The following TNFAIP2 variants were observed in gnomAD, a reference collection of about 807,000 sequenced individuals.
TNFAIP2 encodes the protein tumor necrosis factor alpha-induced protein 2.
In TNFAIP2, 47 loss-of-function variants were observed where a neutral mutation model predicts 63.5. That is an observed-to-expected ratio of 0.74 (90% CI 0.59 to 0.94). The LOEUF is 0.94. Ranked by LOEUF, TNFAIP2 falls within the 40% of genes least tolerant of loss-of-function variation. TNFAIP2 has a pLI of 0.00. For missense variants in TNFAIP2, 787 were observed against 850.2 expected (o/e 0.93, Z 0.92); for synonymous variants, 405 against 390.2 (o/e 1.04, Z -0.45).
upstream of TNFAIP2, among the ~76,000 whole-genome samples, chr14:103,121,929 G>C (rs948325818): frequency 6.6e-6 from 1 of 152,134 alleles, no homozygotes. Flanking sequence ...GGAGAGGCTT[G>C]TGGGGATTGC....
chr14:103,128,094 G>A (rs530702631), intron 3 of TNFAIP2, among the ~76,000 whole-genome samples: 22 of 152,304 alleles, frequency 1.4e-4, no homozygotes, highest in African/African-American at 4.8e-4. Flanking sequence ...GAAAGCCAGC[G>A]GTCCTTCTCT....
intron 11 of TNFAIP2, 116 bp downstream of exon 11, chr14:103,133,919 C>T: frequency 2.3e-6 from 3 of 1,320,326 alleles, no homozygotes; most frequent in Non-Finnish European, 3.0e-6. Context: ...ACTGTGTGAA[C>T]CTCACCAGGG....
At position 103,131,894 on chromosome 14, in the gene TNFAIP2, C is replaced by A; in HGVS notation, c.1422+132C>A. ...CACGCTCCAGGCCTGTGGACGGCAC[C>A]GTGGGCCAGCTCTGGTGCAGCGGTG... is the stretch of plus-strand genomic sequence containing the variant. On this transcript the variant is annotated intron_variant, in intron 8 of 11. Transcript: ENST00000560869. The surrounding 1 kb of genome is among the most constrained non-coding windows in gnomAD (Gnocchi z 4.0). 1 of 1,302,536 alleles carries A rather than the reference C, an allele frequency of 7.7e-7. No homozygotes were observed. Among genetic ancestry groups the A allele is most frequent in the Non-Finnish European group, 1.0e-6 (1 of 972,362 alleles). 80.7% of individuals were successfully genotyped at this position (1,302,536 alleles called of 1,614,324 possible).
Position 103,131,145 on chromosome 14 carries a change from C to G in TNFAIP2, c.1293C>G (p.Ser431=). The part of the protein sequence containing the change: ...NVIANINNCL[S]FRMSMEQNWQ... ...TTGCCAACATCAACAACTGCCTGTC[C>G]TTCCGGTGAGAGTGTTGGGAGGGGC... The change falls in exon 7 of 12, where the codon TCC becomes TCG. Residue 431 remains serine, a synonymous_variant. Transcript: ENST00000560869. The surrounding 1 kb of genome is among the most constrained non-coding windows in gnomAD (Gnocchi z 4.0). 6.2e-7 allele frequency: 1 copy of G among 1,614,130 alleles called. No homozygotes were observed. The highest frequency in any genetic ancestry group is 8.5e-7 in the Non-Finnish European group (1 of 1,179,988).
At chr14:103,126,859 C>A in intron 2 of TNFAIP2, 146 bp from the exon 3 acceptor site, 1 of 1,365,138 alleles carries the variant, frequency 7.3e-7, no homozygotes, top group Non-Finnish European at 9.7e-7. Flanking sequence ...GGCCTTCAGC[C>A]TAGTCAGGGA....
intron 3 of TNFAIP2, among the ~76,000 whole-genome samples, chr14:103,128,801 C>T (rs900444675): frequency 5.9e-5 from 9 of 152,322 alleles, no homozygotes; most frequent in South Asian, 4.1e-4. Flanking sequence ...CAGGAAATGC[C>T]GGGCACCTGC....
At position 103,127,543 on chromosome 14, in the gene TNFAIP2, G is replaced by T. The variant is rs1265102307; in HGVS notation, c.774G>T (p.Ala258=). Residue 258 remains alanine, a synonymous_variant, in exon 3 of 12, where the codon GCG becomes GCT. Transcript: ENST00000560869. The surrounding 1 kb of genome is among the most constrained non-coding windows in gnomAD (Gnocchi z 5.1). ...CCGAGAGCTACCACCAGCACTTCGC[G>T]GCCCACCTGGCCGCCGTGGCGCAGT... ...AYAESYHQHF[A]AHLAAVAQFE... 6.3e-7 allele frequency: 1 copy of T among 1,585,686 alleles called. No homozygotes were observed. Among genetic ancestry groups the T allele is most frequent in the East Asian group, 2.3e-5 (1 of 44,228 alleles).
At chr14:103,122,950 C>A, upstream of TNFAIP2, 1 of 384,618 alleles carries the variant, frequency 2.6e-6, no homozygotes. Flanking sequence ...TCTGGCCAGC[C>A]TTGTAGCCCC....
In TNFAIP2 at chr14:103,135,970, G is replaced by A. The variant is rs1242538098; in HGVS notation, c.*610G>A. On this transcript the variant is annotated 3_prime_UTR_variant, in exon 12 of 12. Coordinates refer to ENST00000560869, the MANE Select transcript of TNFAIP2 (RefSeq NM_006291.4). This position sits in a 1 kb window ranked among gnomAD's most constrained non-coding sequence, Gnocchi z 7.6. ...GACGTCACATCCAGGTGGCCCCACG[G>A]CCCCTACAGGCTGGCCCTGCAATGG... 1.6e-6 allele frequency: 2 copies of A among 1,289,476 alleles called. No homozygotes were observed. The highest frequency in any genetic ancestry group is 5.5e-5 in the East Asian group (1 of 18,054). 79.9% of individuals were successfully genotyped at this position (1,289,476 alleles called of 1,614,324 possible).
rs1260692442 is a variant in TNFAIP2, at chr14:103,131,255, A to G, written c.1298+105A>G. The G allele has an allele frequency of 3.2e-6, 4 of 1,254,946 alleles. No homozygotes were observed. The highest frequency in any genetic ancestry group is 4.6e-6 in the Non-Finnish European group (4 of 872,026). The allele number at this position is 1,254,946 out of a possible 1,614,324, so 77.7% of individuals were successfully genotyped here. On this transcript the variant is annotated intron_variant, in intron 7 of 11. Coordinates refer to ENST00000560869, the MANE Select transcript of TNFAIP2 (RefSeq NM_006291.4). The surrounding 1 kb of genome is among the most constrained non-coding windows in gnomAD (Gnocchi z 4.0). ...GGAGCTGCTTAGGCCAAGAAGTGGAATTCAAACCAGCAACATGTGTGAGGA... is the reference window on the plus strand; with the variant it reads ...GGAGCTGCTTAGGCCAAGAAGTGGAGTTCAAACCAGCAACATGTGTGAGGA...
chr14:103,128,179 G>A (rs984613769), intron 3 of TNFAIP2, among the ~76,000 whole-genome samples: 2 of 152,194 alleles, frequency 1.3e-5, no homozygotes, highest in African/African-American at 4.8e-5. Context: ...AGGAAGGTCG[G>A]TGCTCCTGAG....
intron 2 of TNFAIP2, among the ~76,000 whole-genome samples, 156 bp from the exon 3 acceptor site, chr14:103,126,849 G>A (rs1341203032): frequency 2.0e-5 from 3 of 152,218 alleles, no homozygotes; most frequent in African/African-American, 4.8e-5. Flanking sequence ...GGGGCTGGGA[G>A]GCCTTCAGCC....
At chr14:103,133,216 G>C in intron 9 of TNFAIP2, 146 bp from the exon 10 acceptor site, 1 of 1,031,690 alleles carries the variant, frequency 9.7e-7, no homozygotes, top group African/African-American at 1.6e-5. Flanking sequence ...GCATGTGAAC[G>C]CACACATGTG....
rs1259876913 is a variant in TNFAIP2 at position 103,130,048 on chromosome 14, G to A, written c.1022G>A (p.Arg341Gln). Residue 341 changes from arginine to glutamine, a missense_variant, in exon 5 of 12, where the codon CGG becomes CAG. This residue lies in a region of TNFAIP2 where 523 missense variants were observed against 604.1 expected (regional missense o/e 0.87). Transcript: ENST00000560869. Reference protein sequence around the residue: ...LMDRALELEARRWAEDVPPQR... With the variant: ...LMDRALELEAQRWAEDVPPQR... ...GACCGAGCTCTGGAGCTAGAGGCAC[G>A]GCGCTGGGCTGAGGATGTGCCTCCC... 4.3e-6 allele frequency: 7 copies of A among 1,613,148 alleles called. No homozygotes were observed. The highest frequency in any genetic ancestry group is 3.3e-5 in the South Asian group (3 of 91,076).
In TNFAIP2 at chr14:103,132,693, G is replaced by A. The variant is rs773469001; in HGVS notation, c.1423-57G>A. 4.6e-5 allele frequency: 73 copies of A among 1,584,002 alleles called. No homozygotes were observed. The Middle Eastern group carries it at 5.0e-4, about 11-fold the overall frequency. ...TGTGTCTGCGTGTCTGCGTGTCTGCGGCTGGCAGCCCTTCCTCTCCAGGGC... is the reference window on the plus strand; with the variant it reads ...TGTGTCTGCGTGTCTGCGTGTCTGCAGCTGGCAGCCCTTCCTCTCCAGGGC... On this transcript the variant is annotated intron_variant, in intron 8 of 11. Coordinates refer to ENST00000560869, the MANE Select transcript of TNFAIP2 (RefSeq NM_006291.4).
At chr14:103,130,231 C>T (rs182746603) in intron 5 of TNFAIP2, 84 bp from the exon 6 acceptor site, 8 of 1,529,748 alleles carry the variant, frequency 5.2e-6, no homozygotes, top group Non-Finnish European at 7.0e-6. Flanking sequence ...GGGGCACCCC[C>T]TCTGTTCCCG....
rs1213926156 is a variant in TNFAIP2 at position 103,135,898 on chromosome 14, A to G, written c.*538A>G. The G allele has an allele frequency of 7.8e-7, 1 of 1,289,926 alleles. No individual in the cohort carries two copies. The highest frequency in any genetic ancestry group is 2.3e-5 in the Admixed American group (1 of 43,586). The allele number at this position is 1,289,926 out of a possible 1,614,324, so 79.9% of individuals were successfully genotyped here. On this transcript the variant is annotated 3_prime_UTR_variant, in exon 12 of 12. Coordinates refer to ENST00000560869, the MANE Select transcript of TNFAIP2 (RefSeq NM_006291.4). The surrounding 1 kb of genome is among the most constrained non-coding windows in gnomAD (Gnocchi z 7.6). ...AGGAAAAGATGAGCTCTCGTCTGGC[A>G]GGGGCTTTTAGGGTCCTGTGGCGAG...
rs995785269 is a variant in TNFAIP2 at position 103,131,876 on chromosome 14, C to G, written c.1422+114C>G. ...GCAAAGATGTGGGGAAGACACGCTC[C>G]AGGCCTGTGGACGGCACCGTGGGCC... On this transcript the variant is annotated intron_variant, in intron 8 of 11. Coordinates refer to ENST00000560869, the MANE Select transcript of TNFAIP2 (RefSeq NM_006291.4). The surrounding 1 kb of genome is among the most constrained non-coding windows in gnomAD (Gnocchi z 4.0). 1.4e-6 allele frequency: 2 copies of G among 1,431,584 alleles called. No homozygotes were observed. The highest frequency in any genetic ancestry group is 1.9e-6 in the Non-Finnish European group (2 of 1,074,720). The allele number at this position is 1,431,584 out of a possible 1,614,324, so 88.7% of individuals were successfully genotyped here.
At position 103,127,211 on chromosome 14, in the gene TNFAIP2, CCCGAGCGGCTGCGCCAGGCGCTGG is replaced by C. The variant is rs1235235340; in HGVS notation, c.446_469del (p.Glu149_Ala156del). On this transcript the variant is annotated inframe_deletion, in exon 3 of 12. Transcript: ENST00000560869. The surrounding 1 kb of genome is among the most constrained non-coding windows in gnomAD (Gnocchi z 5.1). ...GCTGCGGCGGCCGCTGGAGGCGCCGCCCGAGCGGCTGCGCCAGGCGCTGGCCGTGGTGGCGGAGCAGGAGCGCGA... is the reference window on the plus strand; with the variant it reads ...GCTGCGGCGGCCGCTGGAGGCGCCGCCCGTGGTGGCGGAGCAGGAGCGCGA... The C allele has an allele frequency of 2.7e-6, 3 of 1,109,828 alleles. No homozygotes were observed. The highest frequency in any genetic ancestry group is 3.3e-6 in the Non-Finnish European group (3 of 906,046). 68.7% of individuals were successfully genotyped at this position (1,109,828 alleles called of 1,614,324 possible).
Sources: allele counts gnomAD v4.1 joint callset (sites outside exome capture counted in the v4.1 genomes callset), GRCh38; gene constraint gnomAD v4.1.1; regional missense constraint gnomAD v4.1.1; non-coding constraint Gnocchi (gnomAD v3.1); transcripts MANE v1.5; gene names NCBI Gene and HGNC (gene_info 2026-07-23, HGNC 2026-07-21).